The following SNTB1 variants were observed in gnomAD, a reference collection of about 807,000 sequenced individuals.
SNTB1 encodes the protein syntrophin beta 1.
SNTB1 carries 36 observed loss-of-function variants against 48.9 expected under a neutral mutation model. The observed-to-expected ratio is 0.74, with a 90% CI of 0.56 to 0.97. The LOEUF (loss-of-function observed/expected upper bound fraction) is 0.97, where lower values mean the gene tolerates loss of function less well. Among genes scored for constraint, SNTB1 ranks in the 50% least tolerant of loss-of-function variants. The pLI is 0.00. For synonymous variants in SNTB1, 299 were observed against 294.6 expected, an observed-to-expected ratio of 1.01 and a Z score of -0.15; for missense variants, 786 against 703.4, an observed-to-expected ratio of 1.12 and a Z score of -1.33.
chr8:120,739,535 A>G (rs568609378), intron 1 of SNTB1, among the ~76,000 whole-genome samples: 1 of 152,338 alleles, frequency 6.6e-6, no homozygotes, highest in South Asian at 2.1e-4. Flanking sequence ...ATCCTAATAA[A>G]CTAAAATTAT....
At chr8:120,704,090 C>T (rs1480098292) in intron 1 of SNTB1, among the ~76,000 whole-genome samples, 2 of 152,200 alleles carry the variant, frequency 1.3e-5, no homozygotes, top group Non-Finnish European at 2.9e-5. Context: ...TGCCTCTAAA[C>T]ATATGCAAAT....
At chr8:120,589,224 A>G (rs929369464) in intron 3 of SNTB1, among the ~76,000 whole-genome samples, 2 of 152,170 alleles carry the variant, frequency 1.3e-5, no homozygotes, top group Non-Finnish European at 2.9e-5. Flanking sequence ...TTACTTAACC[A>G]TTTAGCCAGT....
intron 4 of SNTB1, among the ~76,000 whole-genome samples, chr8:120,568,093 G>A (rs1451946861): frequency 6.6e-6 from 1 of 152,180 alleles, no homozygotes; most frequent in African/African-American, 2.4e-5. Context: ...GTCAATGGAA[G>A]TGCTGGGGTA....
intron 1 of SNTB1, among the ~76,000 whole-genome samples, chr8:120,792,126 C>T (rs1418977821): frequency 6.6e-6 from 1 of 151,618 alleles, no homozygotes; most frequent in Non-Finnish European, 1.5e-5. Context: ...CACACCCACA[C>T]ACACATACAT....
At chr8:120,638,660 G>A (rs909050301) in intron 2 of SNTB1, among the ~76,000 whole-genome samples, 1 of 152,026 alleles carries the variant, frequency 6.6e-6, no homozygotes, top group African/African-American at 2.4e-5. Context: ...TGTGGTGTTT[G>A]GTTTTTTGTC....
chr8:120,709,482 A>C (rs970669049), intron 1 of SNTB1, among the ~76,000 whole-genome samples: 6 of 152,200 alleles, frequency 3.9e-5, no homozygotes, highest in African/African-American at 7.2e-5. Context: ...TCTCAGTTCC[A>C]GTGGAAGGAG....
At chr8:120,587,484 G>T (rs1233139364) in intron 3 of SNTB1, among the ~76,000 whole-genome samples, 2 of 152,110 alleles carry the variant, frequency 1.3e-5, no homozygotes, top group Admixed American at 6.5e-5. Context: ...CCTTGTGTGG[G>T]ATGCCTGTCC....
rs569979645 is a variant in SNTB1 at position 120,680,342 on chromosome 8, G to A, written c.788+13350C>T. On this transcript the variant is annotated intron_variant, in intron 2 of 6. Transcript: ENST00000517992. ...TCAACATCCAGCAAAGAACCAAGAC[G>A]ACTGAAACTATCTATTGAAAAGTTG... 2.6e-5 allele frequency among the ~76,000 whole-genome samples: 4 copies of A among 152,318 alleles called. No homozygotes were observed. The South Asian group carries it at 6.2e-4, about 24-fold the overall frequency.
intron 2 of SNTB1, among the ~76,000 whole-genome samples, chr8:120,639,760 C>T (rs1033055578): frequency 2.0e-5 from 3 of 152,182 alleles, no homozygotes; most frequent in African/African-American, 7.2e-5. Flanking sequence ...GTACCAGTAC[C>T]ATGCTGTTTT....
intron 2 of SNTB1, among the ~76,000 whole-genome samples, chr8:120,681,980 C>T (rs563934973): frequency 1.1e-4 from 17 of 151,478 alleles, no homozygotes; most frequent in South Asian, 2.1e-4. Flanking sequence ...CAAGAATTAA[C>T]GGAAAATATG....
At chr8:120,748,771 T>C (rs1819165761) in intron 1 of SNTB1, among the ~76,000 whole-genome samples, 1 of 152,230 alleles carries the variant, frequency 6.6e-6, no homozygotes, top group African/African-American at 2.4e-5. Context: ...GGCAGCATTC[T>C]AGTTTCATTA....
At chr8:120,670,429 G>T (rs1486109764) in intron 2 of SNTB1, among the ~76,000 whole-genome samples, 1 of 152,174 alleles carries the variant, frequency 6.6e-6, no homozygotes, top group African/African-American at 2.4e-5. Context: ...TGGTCTTGAA[G>T]GAAGCAGACA....
chr8:120,737,626 G>T (rs950425598), intron 1 of SNTB1, among the ~76,000 whole-genome samples: 2 of 152,168 alleles, frequency 1.3e-5, no homozygotes, highest in African/African-American at 4.8e-5. Flanking sequence ...GAACACAGCA[G>T]CTGTTGATTT....
chr8:120,544,422 T>C lies in SNTB1; in HGVS notation c.1334-2422A>G, dbSNP rs533949752. On this transcript the variant is annotated intron_variant, in intron 5 of 6. Transcript: ENST00000517992. ...GTTAATTGAAGCCCTGATTAAAACATAGACCTCTTTCCCCAACTCTCTGCA... is the reference window on the plus strand; with the variant it reads ...GTTAATTGAAGCCCTGATTAAAACACAGACCTCTTTCCCCAACTCTCTGCA... 2.6e-5 allele frequency among the ~76,000 whole-genome samples: 4 copies of C among 152,276 alleles called. No homozygotes were observed. The South Asian group carries it at 6.2e-4, about 24-fold the overall frequency.
chr8:120,638,400 T>C lies in SNTB1; in HGVS notation c.789-5749A>G, dbSNP rs527777468. Reference sequence around the variant, plus strand: ...CAGAAAGAGGAATGAGTATTTTCTTTTTTTTTTCTTTTTTTATTATTATAC... The same window carrying C: ...CAGAAAGAGGAATGAGTATTTTCTTCTTTTTTTCTTTTTTTATTATTATAC... On this transcript the variant is annotated intron_variant, in intron 2 of 6. Transcript: ENST00000517992. Among the ~76,000 whole-genome samples the C allele has an allele frequency of 2.6e-5, 4 of 152,176 alleles. No individual in the cohort carries two copies. The South Asian group carries it at 8.3e-4, about 32-fold the overall frequency.
chr8:120,559,241 C>T (rs1030394514), intron 4 of SNTB1, among the ~76,000 whole-genome samples: 2 of 152,130 alleles, frequency 1.3e-5, no homozygotes, highest in African/African-American at 4.8e-5. Flanking sequence ...TTGAATCTAT[C>T]TTTAGTGACT....
At chr8:120,671,691 C>T (rs1487874472) in intron 2 of SNTB1, among the ~76,000 whole-genome samples, 1 of 152,320 alleles carries the variant, frequency 6.6e-6, no homozygotes, top group African/African-American at 2.4e-5. Context: ...TTGTTTAAGA[C>T]ACCTGGTTTG....
At chr8:120,611,821 CGA>C (rs1491148150) in intron 3 of SNTB1, among the ~76,000 whole-genome samples, 7 of 62,660 alleles carry the variant, frequency 1.1e-4, no homozygotes, top group Non-Finnish European at 2.1e-4. Context: ...GACTCTGTCT[CGA>C]AAAAAAAAAA....
intron 3 of SNTB1, among the ~76,000 whole-genome samples, chr8:120,619,308 TATAGAGAG>T (rs1328267558): frequency 2.0e-5 from 3 of 147,712 alleles, no homozygotes; most frequent in East Asian, 1.9e-4. Flanking sequence ...CATATATATA[TATAGAGAG>T]AGAGAGAGAG....
Sources: allele counts gnomAD v4.1 joint callset (sites outside exome capture counted in the v4.1 genomes callset), GRCh38; gene constraint gnomAD v4.1.1; transcripts MANE v1.5; gene names NCBI Gene and HGNC (gene_info 2026-07-23, HGNC 2026-07-21).